SOX6: variants seen among roughly 807,000 people sequenced by gnomAD.
The protein encoded by SOX6 is transcription factor SOX-6.
SOX6 carries 11 observed loss-of-function variants against 97.8 expected under a neutral mutation model. The observed-to-expected ratio is 0.11, with a 90% CI of 0.07 to 0.19. The LOEUF (loss-of-function observed/expected upper bound fraction) is 0.19. SOX6 is among the 10% of genes least tolerant of loss of function. SOX6 has a pLI of 1.00. For synonymous variants in SOX6, 360 were observed against 371.4 expected, an observed-to-expected ratio of 0.97 and a Z score of 0.35; for missense variants, 810 against 1,039.5, an observed-to-expected ratio of 0.78 and a Z score of 3.04.
At chr11:16,562,668 A>C (rs1231582648) in intron 4 of SOX6, among the ~76,000 whole-genome samples, 1 of 152,118 alleles carries the variant, frequency 6.6e-6, no homozygotes, top group Admixed American at 6.6e-5. Context: ...TACCCCCACC[A>C]GCCAGTAGCA....
chr11:16,543,275 T>C (rs1470996899), intron 4 of SOX6, among the ~76,000 whole-genome samples: 2 of 152,176 alleles, frequency 1.3e-5, no homozygotes, highest in African/African-American at 2.4e-5. Context: ...TAGAACAATA[T>C]ATACCACCAT....
At chr11:16,465,483 C>T (rs1860012435) in intron 1 of SOX6, among the ~76,000 whole-genome samples, 1 of 152,084 alleles carries the variant, frequency 6.6e-6, no homozygotes. Context: ...TGGATTTCTT[C>T]ATTTTGTTCA....
chr11:16,362,252 T>C (rs568165936), intron 1 of SOX6, among the ~76,000 whole-genome samples: 31 of 152,332 alleles, frequency 2.0e-4, no homozygotes, highest in African/African-American at 7.0e-4. Context: ...GTTTCATCTC[T>C]CTTTCTCTAC....
chr11:16,253,933 C>T (rs1853599335), intron 3 of SOX6, among the ~76,000 whole-genome samples: 1 of 151,832 alleles, frequency 6.6e-6, no homozygotes, highest in African/African-American at 2.4e-5. Flanking sequence ...ATTCAAACCT[C>T]AGAAAATAAA....
At chr11:15,990,631 C>T (rs920906901) in intron 13 of SOX6, among the ~76,000 whole-genome samples, 4 of 152,068 alleles carry the variant, frequency 2.6e-5, no homozygotes, top group Non-Finnish European at 5.9e-5. Flanking sequence ...TATACCAGGG[C>T]GATATACTGA....
chr11:16,381,326 T>C (rs1364783806), intron 1 of SOX6, among the ~76,000 whole-genome samples: 1 of 152,084 alleles, frequency 6.6e-6, no homozygotes, highest in Non-Finnish European at 1.5e-5. Context: ...TTTTGGCTGC[T>C]AGCCTCAAGC....
intron 1 of SOX6, among the ~76,000 whole-genome samples, chr11:16,414,899 TGTAATATTCTATATTTTA>T (rs1432495883): frequency 6.6e-6 from 1 of 152,172 alleles, no homozygotes; most frequent in African/African-American, 2.4e-5. Context: ...TAAGCTATTT[TGTAATATTCTATATTTTA>T]ATGCATTGTT....
At chr11:16,733,981 C>T (rs766024330) in intron 2 of SOX6, among the ~76,000 whole-genome samples, 43 of 147,398 alleles carry the variant, frequency 2.9e-4, no homozygotes, top group African/African-American at 9.8e-4. Flanking sequence ...GACCCAAGAT[C>T]GTGCCACTGC....
At chr11:16,532,173 A>G (rs1861245497) in intron 4 of SOX6, among the ~76,000 whole-genome samples, 1 of 151,830 alleles carries the variant, frequency 6.6e-6, no homozygotes, top group Admixed American at 6.6e-5. Flanking sequence ...TCTCATTTCA[A>G]GGAAATAAGA....
At chr11:16,628,138 G>A (rs960180103) in intron 3 of SOX6, among the ~76,000 whole-genome samples, 1 of 152,044 alleles carries the variant, frequency 6.6e-6, no homozygotes, top group African/African-American at 2.4e-5. Flanking sequence ...TCTCTATTTT[G>A]TTCCATTGGT....
chr11:16,514,690 TC>T (rs1860938245), intron 4 of SOX6, among the ~76,000 whole-genome samples: 1 of 92,210 alleles, frequency 1.1e-5, no homozygotes, highest in Admixed American at 1.4e-4. Flanking sequence ...ATGCTATCCC[TC>T]CCCCCTCCCC....
intron 6 of SOX6, among the ~76,000 whole-genome samples, chr11:16,144,315 C>T (rs1462021272): frequency 6.6e-6 from 1 of 152,106 alleles, no homozygotes; most frequent in Non-Finnish European, 1.5e-5. Flanking sequence ...AGAACAAAGA[C>T]ACAACATACC....
At chr11:16,288,014 C>G (rs1167851002) in intron 3 of SOX6, among the ~76,000 whole-genome samples, 1 of 152,114 alleles carries the variant, frequency 6.6e-6, no homozygotes, top group Non-Finnish European at 1.5e-5. Flanking sequence ...AACATTGTCT[C>G]CCACCTTCAT....
intron 7 of SOX6, among the ~76,000 whole-genome samples, chr11:16,106,924 C>T (rs1849102501): frequency 2.0e-5 from 3 of 151,972 alleles, no homozygotes; most frequent in Non-Finnish European, 4.4e-5. Context: ...AATGGGAAAA[C>T]TACTTGAATA....
chr11:16,046,359 A>C (rs191682410), intron 12 of SOX6, among the ~76,000 whole-genome samples, 155 bp downstream of exon 12: 12 of 152,308 alleles, frequency 7.9e-5, no homozygotes, highest in African/African-American at 2.9e-4. Flanking sequence ...ATGCTTACAG[A>C]TGCTACATGA....
chr11:16,442,178 C>A (rs1430882882), intron 1 of SOX6, among the ~76,000 whole-genome samples: 1 of 152,156 alleles, frequency 6.6e-6, no homozygotes, highest in East Asian at 1.9e-4. Flanking sequence ...TTCACTGCTG[C>A]TATTTACTTG....
intron 4 of SOX6, among the ~76,000 whole-genome samples, chr11:16,583,919 AT>A: frequency 6.6e-6 from 1 of 151,986 alleles, no homozygotes; most frequent in African/African-American, 2.4e-5. Context: ...TCTCATCAGC[AT>A]TTTTTTGTCT....
chr11:16,528,675 A>G (rs927787318), intron 4 of SOX6, among the ~76,000 whole-genome samples: 4 of 152,146 alleles, frequency 2.6e-5, no homozygotes, highest in Admixed American at 6.6e-5. Context: ...AGACTTATGA[A>G]ATGATAGGCA....
chr11:16,488,063 G>A (rs891735767), intron 4 of SOX6, among the ~76,000 whole-genome samples: 20 of 152,014 alleles, frequency 1.3e-4, no homozygotes, highest in Non-Finnish European at 1.0e-4. Flanking sequence ...CTAAATTCAC[G>A]GTAGAAATTA....
Sources: gnomAD v4.1 joint callset for allele counts (sites outside exome capture counted in the v4.1 genomes callset) on GRCh38, gnomAD v4.1.1 for gene constraint, MANE v1.5 for transcripts, NCBI Gene and HGNC (gene_info 2026-07-23, HGNC 2026-07-21) for gene names.